The following OPCML variants were observed in gnomAD, a reference collection of about 807,000 sequenced individuals.
OPCML encodes the protein opioid binding protein/cell adhesion molecule like, also known as opioid-binding protein/cell adhesion molecule.
OPCML carries 13 observed loss-of-function variants against 37.8 expected under a neutral mutation model. The observed-to-expected ratio is 0.34, with a 90% CI of 0.22 to 0.55. The LOEUF (loss-of-function observed/expected upper bound fraction) is 0.55. Among genes scored for constraint, OPCML ranks in the 20% least tolerant of loss-of-function variants. The pLI is 0.91. For missense variants in OPCML, 341 were observed against 435.6 expected, an observed-to-expected ratio of 0.78 and a Z score of 1.93; for synonymous variants, 176 against 168.8, an observed-to-expected ratio of 1.04 and a Z score of -0.33.
chr11:132,644,529 G>A (rs953209325), intron 3 of OPCML, among the ~76,000 whole-genome samples: 7 of 152,126 alleles, frequency 4.6e-5, no homozygotes, highest in Non-Finnish European at 7.4e-5. Flanking sequence ...TTGAAAGAGA[G>A]GGTACAAATA....
intron 2 of OPCML, among the ~76,000 whole-genome samples, chr11:132,863,832 C>T (rs565746445): frequency 3.9e-5 from 6 of 152,330 alleles, no homozygotes; most frequent in South Asian, 2.1e-4. Flanking sequence ...ATGACCTTTG[C>T]GTCCAATCCT....
chr11:132,849,331 C>T lies in OPCML; in HGVS notation c.146+93595G>A, dbSNP rs189681259. Among the ~76,000 whole-genome samples, 64 of 152,228 alleles carry T rather than the reference C, an allele frequency of 4.2e-4. No individual in the cohort carries two copies. The East Asian group carries it at 7.0e-3, about 17-fold the overall frequency. ...CATATAAAGACACCAATTGCCTATG[C>T]GGTTTCCTCACCTAGCCAACACATG... On this transcript the variant is annotated intron_variant, in intron 2 of 7. Coordinates refer to ENST00000524381, the MANE Select transcript of OPCML (RefSeq NM_001012393.5).
chr11:133,141,002 ACG>A (rs1565468999), intron 1 of OPCML, among the ~76,000 whole-genome samples: 1,775 of 8,586 alleles, frequency 0.21, 667 homozygotes, highest in East Asian at 0.55. Flanking sequence ...GAAGAAGACG[ACG>A]ACGACGACGA....
intron 4 of OPCML, among the ~76,000 whole-genome samples, chr11:132,455,604 C>T (rs896397801): frequency 9.2e-5 from 14 of 152,232 alleles, no homozygotes; most frequent in East Asian, 1.9e-4. Context: ...ATGCCAGTCC[C>T]GTCATTTTCA....
intron 2 of OPCML, among the ~76,000 whole-genome samples, chr11:132,938,856 C>T (rs1463789708): frequency 6.6e-6 from 1 of 152,316 alleles, no homozygotes; most frequent in Non-Finnish European, 1.5e-5. Context: ...TGTTCTCAAT[C>T]CTGGCTCCAC....
intron 1 of OPCML, among the ~76,000 whole-genome samples, chr11:133,277,221 T>G (rs771421008): frequency 6.6e-6 from 1 of 152,142 alleles, no homozygotes; most frequent in Non-Finnish European, 1.5e-5. Context: ...CCACGACTAG[T>G]CCCCTAACTC....
At chr11:132,445,167 A>G (rs1402244342) in intron 4 of OPCML, among the ~76,000 whole-genome samples, 1 of 152,224 alleles carries the variant, frequency 6.6e-6, no homozygotes, top group African/African-American at 2.4e-5. Context: ...CACAAGATCA[A>G]TGTGTTACTG....
intron 2 of OPCML, among the ~76,000 whole-genome samples, chr11:132,763,805 A>G (rs1449089388): frequency 6.6e-6 from 1 of 152,214 alleles, no homozygotes; most frequent in Non-Finnish European, 1.5e-5. Context: ...GAAGGTGGCC[A>G]CACCAAGCTG....
chr11:132,758,354 G>C (rs1946135523), intron 2 of OPCML, among the ~76,000 whole-genome samples: 1 of 152,176 alleles, frequency 6.6e-6, no homozygotes, highest in Admixed American at 6.5e-5. Context: ...GTCAATGGTA[G>C]CTTAAGGAGA....
At chr11:133,071,912 A>C (rs1181668737) in intron 1 of OPCML, among the ~76,000 whole-genome samples, 1 of 152,214 alleles carries the variant, frequency 6.6e-6, no homozygotes, top group African/African-American at 2.4e-5. Context: ...CTATTGTATA[A>C]ATGTGAACTG....
In OPCML at chr11:133,458,818, TGC is replaced by T. The variant is rs1565645990; in HGVS notation, c.61+73444_61+73445del. On this transcript the variant is annotated intron_variant, in intron 1 of 7. Transcript: ENST00000524381. The stretch of plus-strand genomic sequence containing the variant: ...ACGTGTGTGTGTATATACACATAGA[TGC>T]ACGTGTGTGTGTATATACACATAGA... Among the ~76,000 whole-genome samples, 20 of 151,324 alleles carry T rather than the reference TGC, an allele frequency of 1.3e-4. 1 individual carries two copies. Among genetic ancestry groups the T allele is most frequent in the African/African-American group, 4.6e-4 (19 of 41,060 alleles).
chr11:132,587,541 G>A (rs1267259755), intron 3 of OPCML, among the ~76,000 whole-genome samples: 1 of 152,192 alleles, frequency 6.6e-6, no homozygotes, highest in Non-Finnish European at 1.5e-5. Flanking sequence ...TGATGCTGAG[G>A]ATGTGACCAG....
At chr11:133,294,815 C>CTTTTTTTTT (rs59382534) in intron 1 of OPCML, among the ~76,000 whole-genome samples, 64 of 56,514 alleles carry the variant, frequency 1.1e-3, no homozygotes, top group African/African-American at 2.5e-3. Flanking sequence ...TTCTTTCTTT[C>CTTTTTTTTT]TTTTTTTTTT....
intron 1 of OPCML, among the ~76,000 whole-genome samples, chr11:132,944,417 G>A (rs1945695994): frequency 6.6e-6 from 1 of 152,134 alleles, no homozygotes. Context: ...CCCTGACGGC[G>A]CGCTGTCCTG....
chr11:132,510,059 A>G (rs1365499406), intron 4 of OPCML, among the ~76,000 whole-genome samples: 1 of 152,202 alleles, frequency 6.6e-6, no homozygotes, highest in Non-Finnish European at 1.5e-5. Flanking sequence ...ATGGGAACCC[A>G]CCTCTTGCAT....
At chr11:133,289,461 G>A (rs571402277) in intron 1 of OPCML, among the ~76,000 whole-genome samples, 3 of 151,092 alleles carry the variant, frequency 2.0e-5, no homozygotes, top group African/African-American at 4.8e-5. Flanking sequence ...CGGGCGTAGT[G>A]GCGGGCGCCT....
At chr11:132,584,653 G>A (rs1028172733) in intron 3 of OPCML, among the ~76,000 whole-genome samples, 1 of 152,276 alleles carries the variant, frequency 6.6e-6, no homozygotes, top group African/African-American at 2.4e-5. Flanking sequence ...TCCCTGATAA[G>A]AGTGAAGATG....
At chr11:132,697,900 G>A (rs139807022) in intron 2 of OPCML, among the ~76,000 whole-genome samples, 5 of 151,644 alleles carry the variant, frequency 3.3e-5, no homozygotes, top group African/African-American at 4.8e-5. Context: ...TTGAATAGCA[G>A]GGGACCACAG....
chr11:133,475,070 T>C (rs1399040320), intron 1 of OPCML, among the ~76,000 whole-genome samples: 1 of 152,186 alleles, frequency 6.6e-6, no homozygotes, highest in African/African-American at 2.4e-5. Flanking sequence ...AAGGAGGCCC[T>C]GGCTGCTCTT....
Sources: gnomAD v4.1 joint callset for allele counts (sites outside exome capture counted in the v4.1 genomes callset) on GRCh38, gnomAD v4.1.1 for gene constraint, MANE v1.5 for transcripts, NCBI Gene and HGNC (gene_info 2026-07-23, HGNC 2026-07-21) for gene names.